The following CHCHD3 variants were observed in gnomAD, a reference collection of about 807,000 sequenced individuals.
The protein encoded by CHCHD3 is MICOS complex subunit MIC19.
In CHCHD3, 20 loss-of-function variants were observed where a neutral mutation model predicts 38.2. That is an observed-to-expected ratio of 0.52 (90% CI 0.37 to 0.76). The LOEUF (loss-of-function observed/expected upper bound fraction) is 0.76. Among genes scored for constraint, CHCHD3 ranks in the 30% least tolerant of loss-of-function variants. The pLI, the probability that CHCHD3 is intolerant of heterozygous loss-of-function variation, is 0.00. For missense variants in CHCHD3, 245 were observed against 279.2 expected, an observed-to-expected ratio of 0.88 and a Z score of 0.87; for synonymous variants, 82 against 100.0, an observed-to-expected ratio of 0.82 and a Z score of 1.07.
intron 6 of CHCHD3, among the ~76,000 whole-genome samples, chr7:132,817,914 T>G (rs1807243542): frequency 1.3e-5 from 2 of 149,464 alleles, no homozygotes; most frequent in Admixed American, 6.7e-5. Context: ...AAAATAAAAA[T>G]AAAAGAAAGA....
chr7:133,045,886 C>A (rs150342926), intron 2 of CHCHD3, among the ~76,000 whole-genome samples: 40 of 152,074 alleles, frequency 2.6e-4, no homozygotes, highest in African/African-American at 8.4e-4. Flanking sequence ...ATGTGATGTA[C>A]CCCCTTCCCT....
intron 4 of CHCHD3, among the ~76,000 whole-genome samples, chr7:132,900,835 A>G (rs1385377237): frequency 6.6e-6 from 1 of 152,136 alleles, no homozygotes; most frequent in African/African-American, 2.4e-5. Context: ...TACTAAAAAA[A>G]CAAAAATTAG....
At chr7:132,860,200 G>A (rs993092246) in intron 5 of CHCHD3, among the ~76,000 whole-genome samples, 2 of 152,084 alleles carry the variant, frequency 1.3e-5, no homozygotes, top group Non-Finnish European at 2.9e-5. Context: ...TTGAGCCCAG[G>A]AGGTTGTGGC....
At chr7:132,850,128 C>T (rs1808177644) in intron 5 of CHCHD3, among the ~76,000 whole-genome samples, 1 of 152,170 alleles carries the variant, frequency 6.6e-6, no homozygotes, top group South Asian at 2.1e-4. Flanking sequence ...TAATGCTTCA[C>T]TTCTACTTGT....
At chr7:132,814,016 T>C (rs1047952150) in intron 6 of CHCHD3, among the ~76,000 whole-genome samples, 4 of 152,242 alleles carry the variant, frequency 2.6e-5, no homozygotes, top group Non-Finnish European at 5.9e-5. Context: ...GTGGCAGGGC[T>C]GCTACTTGTG....
intron 6 of CHCHD3, among the ~76,000 whole-genome samples, chr7:132,811,954 G>C (rs1407381125): frequency 2.6e-5 from 4 of 152,030 alleles, no homozygotes; most frequent in Non-Finnish European, 5.9e-5. Flanking sequence ...CCTCTTATAG[G>C]TGACTGACTA....
rs1584622514 is a variant in CHCHD3 at position 132,985,764 on chromosome 7, C to A, written c.252-10478G>T. 2.1e-5 allele frequency among the ~76,000 whole-genome samples: 2 copies of A among 95,570 alleles called. 1 individual carries two copies. The highest frequency in any genetic ancestry group is 7.6e-4 in the East Asian group (2 of 2,624). The allele number at this position is 95,570 out of a possible 152,430, so 62.7% of individuals were successfully genotyped here. On this transcript the variant is annotated intron_variant, in intron 3 of 7. Transcript: ENST00000262570. ...CAGCCCCCCACCCGGCCAGCCACCC[C>A]GTCCGGGAGGGAGGCGGGGGGGTCA... is the stretch of plus-strand genomic sequence containing the variant.
At position 132,885,711 on chromosome 7, in the gene CHCHD3, T is replaced by C. The variant is rs768799044; in HGVS notation, c.404A>G (p.Lys135Arg). The C allele has an allele frequency of 2.9e-5, 46 of 1,609,240 alleles. No homozygotes were observed. The highest frequency in any genetic ancestry group is 3.8e-5 in the Non-Finnish European group (45 of 1,178,364). Residue 135 changes from lysine to arginine, a missense_variant, in exon 5 of 8, where the codon AAG (lysine) becomes AGG (arginine). By Grantham distance (26) the Lys-to-Arg change is conservative. Coordinates refer to ENST00000262570, the MANE Select transcript of CHCHD3 (RefSeq NM_017812.4). ...TTCTTTGTAGAATGCATCCTGCTTC[T>C]TTAGCACTCGGTCTTTCTCTTCCAG... ...RQLEEKDRVL[K>R]KQDAFYKEQL...
chr7:133,026,015 C>G (rs772218981), intron 2 of CHCHD3, among the ~76,000 whole-genome samples: 21 of 152,138 alleles, frequency 1.4e-4, no homozygotes, highest in Non-Finnish European at 4.4e-5. Flanking sequence ...GGATGACTTC[C>G]CTTAGTTGAG....
chr7:132,999,570 T>G (rs1230130091), intron 3 of CHCHD3, among the ~76,000 whole-genome samples: 1 of 152,186 alleles, frequency 6.6e-6, no homozygotes, highest in Non-Finnish European at 1.5e-5. Flanking sequence ...CACAAATATG[T>G]GGGTTAAACA....
At chr7:133,040,089 T>C (rs1027713183) in intron 2 of CHCHD3, among the ~76,000 whole-genome samples, 1 of 152,174 alleles carries the variant, frequency 6.6e-6, no homozygotes, top group Non-Finnish European at 1.5e-5. Flanking sequence ...AAAACGTATG[T>C]CCAACTCTAC....
At chr7:132,980,786 C>A (rs188735503) in intron 3 of CHCHD3, among the ~76,000 whole-genome samples, 40 of 152,290 alleles carry the variant, frequency 2.6e-4, no homozygotes, top group African/African-American at 6.7e-4. Flanking sequence ...ATAAAACATT[C>A]AACTTTCATG....
At chr7:132,872,593 T>C (rs1412669403) in intron 5 of CHCHD3, among the ~76,000 whole-genome samples, 2 of 152,244 alleles carry the variant, frequency 1.3e-5, no homozygotes, top group African/African-American at 4.8e-5. Context: ...CTATACGCTA[T>C]AGCCGTACTA....
chr7:132,944,629 TA>T (rs890947932), intron 4 of CHCHD3, among the ~76,000 whole-genome samples: 103 of 151,952 alleles, frequency 6.8e-4, no homozygotes, highest in African/African-American at 2.4e-3. Flanking sequence ...AAAAAATGTA[TA>T]AATAGTAGTA....
chr7:132,848,491 CA>C (rs1195822560), intron 5 of CHCHD3, among the ~76,000 whole-genome samples: 1 of 152,140 alleles, frequency 6.6e-6, no homozygotes, highest in African/African-American at 2.4e-5. Flanking sequence ...ATCAGGTGTT[CA>C]GAAGGAGTTC....
intron 3 of CHCHD3, among the ~76,000 whole-genome samples, chr7:133,000,528 T>C (rs1812542427): frequency 6.6e-6 from 1 of 152,118 alleles, no homozygotes. Context: ...TAATGATGGT[T>C]ACCATTGGGG....
intron 4 of CHCHD3, among the ~76,000 whole-genome samples, chr7:132,907,012 C>A (rs944705434): frequency 6.6e-6 from 1 of 152,030 alleles, no homozygotes; most frequent in East Asian, 1.9e-4. Context: ...TCTCTTCCCA[C>A]CAGAGGAAAT....
intron 4 of CHCHD3, chr7:132,972,908 C>T: frequency 3.0e-6 from 3 of 985,386 alleles, no homozygotes; most frequent in Non-Finnish European, 3.6e-6. Context: ...CTACACAAAG[C>T]AGTAAAGACA....
rs542122421 is a variant in CHCHD3, at chr7:132,814,179, A to T, written c.525-17602T>A. 3.9e-5 allele frequency among the ~76,000 whole-genome samples: 6 copies of T among 152,388 alleles called. No individual in the cohort carries two copies. In the South Asian group the frequency reaches 1.2e-3, roughly 32 times the overall value. On this transcript the variant is annotated intron_variant, in intron 6 of 7. Coordinates refer to ENST00000262570, the MANE Select transcript of CHCHD3 (RefSeq NM_017812.4). ...ATTACTGTTAAACCAGTATTCAAACAGGCCAGAAACTGGTTTTCAGCCTCT... is the reference window on the plus strand; with the variant it reads ...ATTACTGTTAAACCAGTATTCAAACTGGCCAGAAACTGGTTTTCAGCCTCT...
Sources: allele counts gnomAD v4.1 joint callset (sites outside exome capture counted in the v4.1 genomes callset), GRCh38; gene constraint gnomAD v4.1.1; transcripts MANE v1.5; gene names NCBI Gene and HGNC (gene_info 2026-07-23, HGNC 2026-07-21).